Variants in MARCHF6 observed in about 807,000 individuals in gnomAD.
MARCHF6 encodes E3 ubiquitin-protein ligase MARCHF6.
MARCHF6 carries 31 observed loss-of-function variants against 133.7 expected under a neutral mutation model. That is an observed-to-expected ratio of 0.23 (90% CI 0.17 to 0.31). The LOEUF (loss-of-function observed/expected upper bound fraction) is 0.31, where lower values mean the gene tolerates loss of function less well. Ranked by LOEUF, MARCHF6 falls within the 10% of genes least tolerant of loss-of-function variation. MARCHF6 has a pLI of 1.00. For synonymous variants in MARCHF6, 395 were observed against 402.5 expected, an observed-to-expected ratio of 0.98 and a Z score of 0.22; for missense variants, 723 against 1,121.6, an observed-to-expected ratio of 0.64 and a Z score of 5.08.
chr5:10,421,918 G>C (rs1480649787), intron 22 of MARCHF6: 1 of 152,238 alleles, frequency 6.6e-6, no homozygotes, highest in African/African-American at 2.4e-5. Context: ...TATAACAAGT[G>C]CTTTATATGC....
intron 1 of MARCHF6, among the ~76,000 whole-genome samples, chr5:10,362,910 CAG>C (rs1735914199): frequency 6.6e-6 from 1 of 151,662 alleles, no homozygotes; most frequent in African/African-American, 2.4e-5. Context: ...GATTTTTGGA[CAG>C]AAGTGCAAAA....
chr5:10,401,895 T>C, intron 11 of MARCHF6, 164 bp from the exon 12 acceptor site: 1 of 596,572 alleles, frequency 1.7e-6, no homozygotes, highest in Non-Finnish European at 3.0e-6. Flanking sequence ...AGTGAGAGAA[T>C]TTGGTTTTCA....
intron 9 of MARCHF6, 147 bp from the exon 10 acceptor site, chr5:10,397,146 T>A: frequency 1.9e-6 from 1 of 531,310 alleles, no homozygotes; most frequent in Non-Finnish European, 3.3e-6. Context: ...ACATATTATG[T>A]CTAGATTGAA....
chr5:10,410,999 G>T (rs900113857), intron 18 of MARCHF6, among the ~76,000 whole-genome samples: 2 of 151,900 alleles, frequency 1.3e-5, no homozygotes, highest in Admixed American at 6.6e-5. Flanking sequence ...CCTTGTGCTT[G>T]TAAGTACTTA....
intron 1 of MARCHF6, among the ~76,000 whole-genome samples, chr5:10,373,163 A>G (rs1736566786): frequency 6.6e-6 from 1 of 152,118 alleles, no homozygotes; most frequent in Non-Finnish European, 1.5e-5. Context: ...TTGGGATCCC[A>G]GTTCTCTTCT....
Position 10,373,712 on chromosome 5 carries a change from A to C in MARCHF6, c.20-4086A>C, listed in dbSNP as rs144905377. On this transcript the variant is annotated intron_variant, in intron 1 of 25. Transcript: ENST00000274140. ...TGTCATGCTGTGGCTGCTATACCCT[A>C]CTTCCTACTTGCACAGCCATCTGAA... is the stretch of plus-strand genomic sequence containing the variant. Among the ~76,000 whole-genome samples the C allele has an allele frequency of 1.1e-4, 16 of 152,024 alleles. No individual in the cohort carries two copies. The East Asian group carries it at 3.1e-3, about 29-fold the overall frequency.
In MARCHF6 at chr5:10,387,059, C is replaced by G; in HGVS notation, c.400C>G (p.Leu134Val). Residue 134 changes from leucine (L) to valine (V), a missense_variant, in exon 5 of 26, where the codon CTG (leucine) becomes GTG (valine). Leu to Val is a conservative substitution (Grantham distance 32). This residue lies in a region of MARCHF6 where 91 missense variants were observed against 208.8 expected (regional missense o/e 0.44). Coordinates refer to ENST00000274140, the MANE Select transcript of MARCHF6 (RefSeq NM_005885.4). ...ACTACTGACGCTGCCATTAGATATG[C>G]TGTCAACGTGAGTATTGAACCTCTG... ...SSLLTLPLDM[L>V]STENLLADCL... is the part of the protein sequence containing the mutation. 1 of 1,611,466 alleles carries G rather than the reference C, an allele frequency of 6.2e-7. No individual in the cohort carries two copies. The highest frequency in any genetic ancestry group is 8.5e-7 in the Non-Finnish European group (1 of 1,177,888).
intron 16 of MARCHF6, among the ~76,000 whole-genome samples, chr5:10,405,943 GCTGGGTACT>G (rs969341975): frequency 3.3e-4 from 50 of 152,200 alleles, no homozygotes; most frequent in African/African-American, 9.6e-4. Context: ...CCATGTTTTG[GCTGGGTACT>G]GGTGCATGTC....
chr5:10,394,884 C>G, intron 9 of MARCHF6, 99 bp downstream of exon 9: 1 of 697,814 alleles, frequency 1.4e-6, no homozygotes, highest in Non-Finnish European at 2.4e-6. Flanking sequence ...ACTGCAACCT[C>G]CGTCTCCTGG....
At chr5:10,381,025 T>C (rs1445929018) in intron 3 of MARCHF6, among the ~76,000 whole-genome samples, 1 of 152,226 alleles carries the variant, frequency 6.6e-6, no homozygotes, top group Non-Finnish European at 1.5e-5. Flanking sequence ...TTTTAGATCA[T>C]TGCTTTTAAA....
rs569462805 is a variant in MARCHF6, at chr5:10,410,220, G to A, written c.1635G>A (p.Thr545=). 148 of 1,613,754 alleles carry A rather than the reference G, an allele frequency of 9.2e-5. 1 individual carries two copies. The South Asian group carries it at 1.1e-3, about 12-fold the overall frequency. ...VLPALLEQGH[T]RQWLKGLVRA... ...CAGCATTACTCGAACAGGGACACAC[G>A]AGGCAGTGGCTGAAGGGGCTGGTGC... Residue 545 remains threonine (T), a synonymous_variant, in exon 18 of 26, where the codon ACG becomes ACA. Coordinates refer to ENST00000274140, the MANE Select transcript of MARCHF6 (RefSeq NM_005885.4).
In MARCHF6 at chr5:10,405,693, C is replaced by A; in HGVS notation, c.1452+16C>A. 1 of 1,561,192 alleles carries A rather than the reference C, an allele frequency of 6.4e-7. No individual in the cohort carries two copies. Among genetic ancestry groups the A allele is most frequent in the Non-Finnish European group, 8.6e-7 (1 of 1,162,114 alleles). On this transcript the variant is annotated intron_variant, in intron 16 of 25. Transcript: ENST00000274140. Reference sequence around the variant, plus strand: ...TTTGTCAGTGGTAAGAAGATGTTTCCATTGTTTTTTTTTTTTGAATTAATT... The same window carrying A: ...TTTGTCAGTGGTAAGAAGATGTTTCAATTGTTTTTTTTTTTTGAATTAATT...
At chr5:10,372,338 A>T (rs552211449) in intron 1 of MARCHF6, among the ~76,000 whole-genome samples, 1 of 152,264 alleles carries the variant, frequency 6.6e-6, no homozygotes, top group Non-Finnish European at 1.5e-5. Flanking sequence ...AAATGTGGTC[A>T]TTTCAGTAGT....
At position 10,394,799 on chromosome 5, in the gene MARCHF6, A is replaced by ATTTTTT; in HGVS notation, c.861+27_861+32dup. 4.0e-6 allele frequency: 5 copies of ATTTTTT among 1,242,692 alleles called. No homozygotes were observed. The highest frequency in any genetic ancestry group is 1.4e-5 in the South Asian group (1 of 72,652). The allele number at this position is 1,242,692 out of a possible 1,614,324, so 77.0% of individuals were successfully genotyped here. ...CTAGTTTTTCTGGTAAGTAAAACTA[A>ATTTTTT]TTTTTTTTTTTTTTTTTTGAGACGG... On this transcript the variant is annotated intron_variant, in intron 9 of 25. Coordinates refer to ENST00000274140, the MANE Select transcript of MARCHF6 (RefSeq NM_005885.4).
rs1031529262 is a variant in MARCHF6, at chr5:10,394,092, T to C, written c.777T>C (p.Asn259=). Residue 259 remains asparagine, a synonymous_variant, in exon 8 of 26, where the codon AAT becomes AAC. Transcript: ENST00000274140. ...DANNGAQDDM[N]WNALEWDRAA... ...CAATTATATTTTCAGATGACATGAATTGGAATGCTTTAGAATGGGACCGAG... is the reference window on the plus strand; with the variant it reads ...CAATTATATTTTCAGATGACATGAACTGGAATGCTTTAGAATGGGACCGAG... 1.2e-5 allele frequency: 19 copies of C among 1,547,334 alleles called. No individual in the cohort carries two copies. Among genetic ancestry groups the C allele is most frequent in the East Asian group, 2.3e-5 (1 of 43,176 alleles).
chr5:10,429,973 T>G lies in MARCHF6; in HGVS notation c.2587T>G (p.Leu863Val). 1 of 1,613,862 alleles carries G rather than the reference T, an allele frequency of 6.2e-7. No homozygotes were observed. Among genetic ancestry groups the G allele is most frequent in the African/African-American group, 1.3e-5 (1 of 75,054 alleles). Residue 863 changes from leucine to valine, a missense_variant, in exon 25 of 26, where the codon TTG becomes GTG. By Grantham distance (32) the Leu-to-Val change is conservative (BLOSUM62 1). This residue lies in a region of MARCHF6 where 492 missense variants were observed against 699.5 expected (regional missense o/e 0.70). Coordinates refer to ENST00000274140, the MANE Select transcript of MARCHF6 (RefSeq NM_005885.4). ...LLMVVVLMAI[L>V]SFQVRQFKRL... ...GATGGTCGTGGTATTGATGGCAATTTTGTCCTTCCAAGTCCGCCAGTTTAA... is the reference window on the plus strand; with the variant it reads ...GATGGTCGTGGTATTGATGGCAATTGTGTCCTTCCAAGTCCGCCAGTTTAA...
rs1055985370 is a variant in MARCHF6, at chr5:10,426,447, G to A, written c.2431G>A (p.Ala811Thr). 1.2e-6 allele frequency: 2 copies of A among 1,613,998 alleles called. No homozygotes were observed. The highest frequency in any genetic ancestry group is 1.7e-6 in the Non-Finnish European group (2 of 1,180,012). ...DLHYIVRKLA[A>T]PVISVLLLSL... ...TCACTATATTGTTCGTAAACTGGCA[G>A]CTCCCGTGATCTCTGTGCTGTTGCT... The change falls in exon 24 of 26, where the codon GCT (alanine) becomes ACT (threonine). Residue 811 changes from alanine to threonine, a missense_variant. Around this residue, in one of 4 missense-constraint regions of MARCHF6, gnomAD observed 492 missense variants for 699.5 expected, o/e 0.70. Coordinates refer to ENST00000274140, the MANE Select transcript of MARCHF6 (RefSeq NM_005885.4).
At chr5:10,390,611 T>A in intron 6 of MARCHF6, 111 bp downstream of exon 6, 1 of 1,071,360 alleles carries the variant, frequency 9.3e-7, no homozygotes, top group Non-Finnish European at 1.3e-6. Context: ...ATTCTTTTGT[T>A]ATTACAAAGG....
chr5:10,435,086 A>AT lies in MARCHF6; in HGVS notation c.*1403dup, dbSNP rs1453817558. On this transcript the variant is annotated 3_prime_UTR_variant, in exon 26 of 26. Transcript: ENST00000274140. The stretch of plus-strand genomic sequence containing the variant: ...ATTTAGAAGTTCTCATAGAAAGCGT[A>AT]TAACATAGGTCTTCAGAAACTATAA... 1 of 152,654 alleles carries AT rather than the reference A, an allele frequency of 6.6e-6. No individual in the cohort carries two copies. The allele number at this position is 152,654 out of a possible 1,614,324, so 9.5% of individuals were successfully genotyped here. A position where few individuals can be genotyped will look rare whatever the true frequency, so the allele number is the denominator to read the frequency against.
Sources: allele counts gnomAD v4.1 joint callset (sites outside exome capture counted in the v4.1 genomes callset), GRCh38; gene constraint gnomAD v4.1.1; regional missense constraint gnomAD v4.1.1; transcripts MANE v1.5; gene names NCBI Gene and HGNC (gene_info 2026-07-23, HGNC 2026-07-21).